The following CCPG1 variants were observed in gnomAD, a reference collection of about 807,000 sequenced individuals.
CCPG1 encodes the protein cell cycle progression 1.
A neutral mutation model predicts 81.3 loss-of-function variants in CCPG1; 46 were observed. The observed-to-expected ratio is 0.57, with a 90% CI of 0.45 to 0.72. The LOEUF (loss-of-function observed/expected upper bound fraction) is 0.72. Ranked by LOEUF, CCPG1 falls within the 30% of genes least tolerant of loss-of-function variation. The pLI is 0.00. For synonymous variants in CCPG1, 330 were observed against 305.2 expected, an observed-to-expected ratio of 1.08 and a Z score of -0.85; for missense variants, 902 against 937.6, an observed-to-expected ratio of 0.96 and a Z score of 0.50.
chr15:55,363,799 C>CTTTTTTTTTTTTTTTTTTTTTTTTT (rs565044184), intron 7 of CCPG1, among the ~76,000 whole-genome samples: 2 of 93,940 alleles, frequency 2.1e-5, no homozygotes, highest in Non-Finnish European at 3.9e-5. Flanking sequence ...TTTCCTTTTC[C>CTTTTTTTTTTTTTTTTTTTTTTTTT]TTTTTTTTTT....
chr15:55,358,547 C>A, intron 8 of CCPG1: 1 of 985,438 alleles, frequency 1.0e-6, no homozygotes, highest in Non-Finnish European at 1.2e-6. Context: ...AAATGACCTT[C>A]CTTTTAAGTG....
intron 3 of CCPG1, among the ~76,000 whole-genome samples, chr15:55,383,136 C>T (rs143420602): frequency 6.6e-6 from 1 of 152,328 alleles, no homozygotes; most frequent in African/African-American, 2.4e-5. Flanking sequence ...GATCCATGGA[C>T]TACAGACTGG....
chr15:55,386,709 A>G (rs541689442), intron 2 of CCPG1, among the ~76,000 whole-genome samples: 1 of 151,910 alleles, frequency 6.6e-6, no homozygotes, highest in African/African-American at 2.4e-5. Flanking sequence ...CCTGGCTAAC[A>G]CGGTGAAACC....
intron 3 of CCPG1, among the ~76,000 whole-genome samples, chr15:55,379,359 C>T (rs868307328): frequency 6.6e-6 from 1 of 151,726 alleles, no homozygotes; most frequent in East Asian, 1.9e-4. Flanking sequence ...CCTGTCTCTA[C>T]AAAAATAAAA....
At chr15:55,376,417 A>G (rs2056566470) in intron 5 of CCPG1, among the ~76,000 whole-genome samples, 1 of 152,222 alleles carries the variant, frequency 6.6e-6, no homozygotes, top group African/African-American at 2.4e-5. Context: ...TTTTCATAAC[A>G]GAATCTAAAA....
chr15:55,402,432 T>C (rs1387784274), intron 1 of CCPG1, among the ~76,000 whole-genome samples: 1 of 152,162 alleles, frequency 6.6e-6, no homozygotes, highest in Non-Finnish European at 1.5e-5. Context: ...TTCACCATGT[T>C]GGGCCAGACT....
intron 1 of CCPG1, among the ~76,000 whole-genome samples, chr15:55,391,895 G>GGGGC (rs2056923887): frequency 1.7e-5 from 2 of 121,144 alleles, no homozygotes; most frequent in African/African-American, 2.8e-5. Flanking sequence ...AAAGGGGGGG[G>GGGGC]GGGGCTAGGT....
At chr15:55,397,264 G>A (rs2057039267) in intron 1 of CCPG1, among the ~76,000 whole-genome samples, 1 of 151,884 alleles carries the variant, frequency 6.6e-6, no homozygotes, top group Admixed American at 6.6e-5. Flanking sequence ...ACAGAGTGGT[G>A]GCAAGGGGAC....
chr15:55,376,241 T>C (rs1318276828), intron 5 of CCPG1, among the ~76,000 whole-genome samples: 1 of 152,218 alleles, frequency 6.6e-6, no homozygotes, highest in Non-Finnish European at 1.5e-5. Context: ...ATCCAGGAAC[T>C]TTATACCTAC....
At chr15:55,381,292 A>T (rs190961171) in intron 3 of CCPG1, among the ~76,000 whole-genome samples, 2,520 of 151,412 alleles carry the variant, frequency 0.017, 36 homozygotes, top group South Asian at 0.028. Context: ...AAATAAAAAA[A>T]AAATAGCTGG....
At position 55,359,715 on chromosome 15, in the gene CCPG1, T is replaced by C. The variant is rs773318897; in HGVS notation, c.2058A>G (p.Leu686=). 3 of 1,613,524 alleles carry C rather than the reference T, an allele frequency of 1.9e-6. No homozygotes were observed. Among genetic ancestry groups the C allele is most frequent in the African/African-American group, 2.7e-5 (2 of 74,938 alleles). ...ELDQFINKFF[L]NGVFIHDQKL... ...TCTGATCATGTATAAAGACACCGTT[T>C]AGGAAAAACTTATTGATGAACTGAT... is the stretch of plus-strand genomic sequence containing the variant. Residue 686 remains leucine (L), a synonymous_variant, in exon 8 of 9, where the codon CTA becomes CTG. Coordinates refer to ENST00000442196, the MANE Select transcript of CCPG1 (RefSeq NM_001204450.2).
chr15:55,374,168 T>C (rs1477366309), intron 5 of CCPG1: 1 of 1,288,670 alleles, frequency 7.8e-7, no homozygotes, highest in African/African-American at 1.5e-5. Flanking sequence ...GGAAAGCGAG[T>C]TGGCTAGGAA....
In CCPG1 at chr15:55,372,149, A is replaced by G. The variant is rs951548287; in HGVS notation, c.455-105T>C. 5 of 1,108,290 alleles carry G rather than the reference A, an allele frequency of 4.5e-6. No individual in the cohort carries two copies. In the African/African-American group the frequency reaches 6.4e-5, roughly 14 times the overall value. 68.7% of individuals were successfully genotyped at this position (1,108,290 alleles called of 1,614,324 possible). On this transcript the variant is annotated intron_variant, in intron 5 of 8. Transcript: ENST00000442196. ...TGCCATCCCTTACATGCCTTTCTACATAAGATAGCCAAAAACAAAAACCAA... is the reference window on the plus strand; with the variant it reads ...TGCCATCCCTTACATGCCTTTCTACGTAAGATAGCCAAAAACAAAAACCAA...
At chr15:55,371,701 A>G in intron 6 of CCPG1, 92 bp downstream of exon 6, 2 of 1,284,872 alleles carry the variant, frequency 1.6e-6, no homozygotes, top group Non-Finnish European at 2.2e-6. Context: ...ACATTTAATA[A>G]TGGCACTGAA....
intron 3 of CCPG1, among the ~76,000 whole-genome samples, chr15:55,382,146 G>C (rs2056711045): frequency 1.3e-5 from 2 of 152,220 alleles, no homozygotes; most frequent in Admixed American, 1.3e-4. Flanking sequence ...AGCTGCTGAA[G>C]GGTGGAGTAG....
intron 8 of CCPG1, 51 bp from the exon 9 acceptor site, chr15:55,356,460 A>C: frequency 7.2e-7 from 1 of 1,379,758 alleles, no homozygotes; most frequent in Non-Finnish European, 9.6e-7. Context: ...AATGTATTTA[A>C]ATTTAAAACA....
intron 1 of CCPG1, among the ~76,000 whole-genome samples, chr15:55,394,201 G>C (rs1411001036): frequency 6.6e-6 from 1 of 152,138 alleles, no homozygotes; most frequent in Non-Finnish European, 1.5e-5. Flanking sequence ...TGGTAGGCTG[G>C]TCTCAAACTT....
chr15:55,357,012 A>G (rs2056091994), intron 8 of CCPG1: 1 of 984,946 alleles, frequency 1.0e-6, no homozygotes. Flanking sequence ...TTTTCAAGGT[A>G]CCACTCCCCA....
chr15:55,361,846 C>T (rs2056206118), intron 7 of CCPG1, among the ~76,000 whole-genome samples: 1 of 152,110 alleles, frequency 6.6e-6, no homozygotes, highest in Admixed American at 6.5e-5. Flanking sequence ...TAGTCCTATG[C>T]AATTAACATT....
Sources: gnomAD v4.1 joint callset for allele counts (sites outside exome capture counted in the v4.1 genomes callset) on GRCh38, gnomAD v4.1.1 for gene constraint, MANE v1.5 for transcripts, NCBI Gene and HGNC (gene_info 2026-07-23, HGNC 2026-07-21) for gene names.